Variants in SPOCK3 observed in about 807,000 individuals in gnomAD.
The protein encoded by SPOCK3 is testican-3.
Under a neutral mutation model 56.6 loss-of-function variants are expected in SPOCK3, and 30 were observed. The observed-to-expected ratio is 0.53, with a 90% CI of 0.40 to 0.72. SPOCK3 has a LOEUF of 0.72. SPOCK3 is among the 30% of genes least tolerant of loss of function. The pLI, the probability that SPOCK3 is intolerant of heterozygous loss-of-function variation, is 0.00. For missense variants in SPOCK3, 527 were observed against 530.0 expected, an observed-to-expected ratio of 0.99 and a Z score of 0.06; for synonymous variants, 196 against 183.3, an observed-to-expected ratio of 1.07 and a Z score of -0.56.
intron 2 of SPOCK3, among the ~76,000 whole-genome samples, chr4:167,205,355 T>TATTATAGATATAAA (rs1734053592): frequency 2.6e-5 from 1 of 38,992 alleles, no homozygotes; most frequent in African/African-American, 1.4e-4. Context: ...ATATATAATA[T>TATTATAGATATAAA]ATATATTATA....
intron 2 of SPOCK3, among the ~76,000 whole-genome samples, chr4:167,064,591 A>G (rs902585024): frequency 2.0e-5 from 3 of 151,680 alleles, no homozygotes; most frequent in African/African-American, 7.3e-5. Context: ...AAGCATGGGG[A>G]GGAATTGGGC....
rs570386218 is a variant in SPOCK3 at position 167,197,583 on chromosome 4, C to T, written c.189+36402G>A. ...TCCTTAATATTATTTTAAGATTGTA[C>T]TCGAATGTCTTCATTGCCTTCAACC... On this transcript the variant is annotated intron_variant, in intron 2 of 10. Coordinates refer to ENST00000357545, the MANE Select transcript of SPOCK3 (RefSeq NM_001040159.2). Among the ~76,000 whole-genome samples the T allele has an allele frequency of 2.0e-5, 3 of 151,098 alleles. No individual in the cohort carries two copies. The South Asian group carries it at 6.3e-4, about 32-fold the overall frequency.
chr4:167,229,979 A>G (rs1736991404), intron 2 of SPOCK3, among the ~76,000 whole-genome samples: 1 of 152,004 alleles, frequency 6.6e-6, no homozygotes, highest in Non-Finnish European at 1.5e-5. Flanking sequence ...TTAATCTAGA[A>G]CTATTTGAAT....
At chr4:167,118,971 T>C (rs2150360854) in intron 2 of SPOCK3, among the ~76,000 whole-genome samples, 1 of 152,236 alleles carries the variant, frequency 6.6e-6, no homozygotes, top group East Asian at 1.9e-4. Flanking sequence ...ACTCTCACTG[T>C]TCTCTCAGTG....
chr4:166,910,543 G>C (rs1476541889), intron 5 of SPOCK3, among the ~76,000 whole-genome samples: 1 of 151,962 alleles, frequency 6.6e-6, no homozygotes, highest in East Asian at 1.9e-4. Context: ...GAATATGAGA[G>C]CTATTTCTTA....
intron 3 of SPOCK3, among the ~76,000 whole-genome samples, chr4:167,017,577 A>C (rs1400618205): frequency 2.0e-5 from 3 of 152,100 alleles, no homozygotes; most frequent in Non-Finnish European, 4.4e-5. Context: ...CCAGACTGAC[A>C]CTATCTTGGA....
chr4:167,136,650 G>A (rs1016878653), intron 2 of SPOCK3, among the ~76,000 whole-genome samples: 4 of 151,922 alleles, frequency 2.6e-5, no homozygotes, highest in Non-Finnish European at 4.4e-5. Flanking sequence ...GGCCCATTTC[G>A]AATTGCTGGA....
At chr4:166,847,038 CA>C (rs915661219) in intron 6 of SPOCK3, among the ~76,000 whole-genome samples, 6 of 151,758 alleles carry the variant, frequency 4.0e-5, no homozygotes, top group Non-Finnish European at 8.8e-5. Flanking sequence ...TGTGAGTAAG[CA>C]AAATAATCCC....
intron 4 of SPOCK3, among the ~76,000 whole-genome samples, chr4:166,976,660 C>T (rs913901154): frequency 2.6e-5 from 4 of 152,230 alleles, no homozygotes; most frequent in African/African-American, 9.6e-5. Context: ...CTCTGTCCTC[C>T]TTCTTTATTT....
At chr4:166,967,297 G>A (rs1744844747) in intron 4 of SPOCK3, among the ~76,000 whole-genome samples, 1 of 152,132 alleles carries the variant, frequency 6.6e-6, no homozygotes, top group Non-Finnish European at 1.5e-5. Context: ...TCCAGTGCCT[G>A]AATATGTTTG....
intron 5 of SPOCK3, among the ~76,000 whole-genome samples, chr4:166,907,776 TAA>T (rs1239713914): frequency 2.6e-5 from 4 of 152,126 alleles, no homozygotes; most frequent in Non-Finnish European, 4.4e-5. Flanking sequence ...AATTTTATGA[TAA>T]ATTTCATTCA....
chr4:167,209,757 G>A (rs893085034), intron 2 of SPOCK3, among the ~76,000 whole-genome samples: 1 of 152,018 alleles, frequency 6.6e-6, no homozygotes, highest in Non-Finnish European at 1.5e-5. Flanking sequence ...TCAGACAACT[G>A]GGGACACTCA....
At chr4:167,041,678 G>A (rs1753246644) in intron 3 of SPOCK3, among the ~76,000 whole-genome samples, 2 of 152,150 alleles carry the variant, frequency 1.3e-5, no homozygotes, top group Non-Finnish European at 2.9e-5. Flanking sequence ...ACTCGGCTTT[G>A]CTATTCTATT....
At chr4:167,069,399 A>G (rs1227377385) in intron 2 of SPOCK3, among the ~76,000 whole-genome samples, 1 of 151,932 alleles carries the variant, frequency 6.6e-6, no homozygotes, top group Admixed American at 6.6e-5. Context: ...CTCAGCATCC[A>G]TTTTACTGCC....
intron 5 of SPOCK3, among the ~76,000 whole-genome samples, chr4:166,902,642 C>T (rs1402822848): frequency 6.6e-6 from 1 of 151,370 alleles, no homozygotes; most frequent in Non-Finnish European, 1.5e-5. Flanking sequence ...ATGATATTTA[C>T]ATATATTATA....
intron 2 of SPOCK3, among the ~76,000 whole-genome samples, chr4:167,068,093 A>C (rs1023892808): frequency 6.5e-5 from 6 of 92,810 alleles, no homozygotes; most frequent in Non-Finnish European, 1.7e-4. Context: ...TAAAATGCTA[A>C]AAAGAATAAT....
chr4:166,819,151 A>G (rs1421797392), intron 6 of SPOCK3, among the ~76,000 whole-genome samples: 1 of 152,084 alleles, frequency 6.6e-6, no homozygotes, highest in Non-Finnish European at 1.5e-5. Flanking sequence ...AAATCATGCA[A>G]CATATCTAAT....
chr4:166,887,275 G>A (rs1053439607), intron 6 of SPOCK3, among the ~76,000 whole-genome samples: 1 of 152,062 alleles, frequency 6.6e-6, no homozygotes, highest in Admixed American at 6.6e-5. Flanking sequence ...TTTAAAAGCG[G>A]GAAATCTCAT....
intron 6 of SPOCK3, among the ~76,000 whole-genome samples, chr4:166,883,581 C>G (rs924157899): frequency 2.0e-5 from 3 of 152,188 alleles, no homozygotes; most frequent in Non-Finnish European, 4.4e-5. Context: ...ACAAATCTGT[C>G]TCAAACTTGT....
Sources: gnomAD v4.1 joint callset for allele counts (sites outside exome capture counted in the v4.1 genomes callset) on GRCh38, gnomAD v4.1.1 for gene constraint, MANE v1.5 for transcripts, NCBI Gene and HGNC (gene_info 2026-07-23, HGNC 2026-07-21) for gene names.